PNLIP: variants seen among roughly 807,000 people sequenced by gnomAD.
PNLIP encodes pancreatic triacylglycerol lipase.
PNLIP carries 49 observed loss-of-function variants against 57.1 expected under a neutral mutation model. That is an observed-to-expected ratio of 0.86 (90% CI 0.68 to 1.09). The LOEUF (loss-of-function observed/expected upper bound fraction) is 1.09, where lower values mean the gene tolerates loss of function less well. Among genes scored for constraint, PNLIP ranks in the 50% least tolerant of loss-of-function variants. The probability of loss-of-function intolerance (pLI) is 0.00; values close to 1 mark genes in which losing one functional copy is unlikely to be tolerated. For missense variants in PNLIP, 503 were observed against 570.2 expected, an observed-to-expected ratio of 0.88 and a Z score of 1.20; for synonymous variants, 209 against 200.4, an observed-to-expected ratio of 1.04 and a Z score of -0.36.
chr10:116,565,411 G>A (rs1847356221), intron 12 of PNLIP, among the ~76,000 whole-genome samples: 1 of 150,578 alleles, frequency 6.6e-6, no homozygotes, highest in Admixed American at 6.6e-5. Context: ...TTACCCCACT[G>A]TATTTTTTAA....
At chr10:116,555,083 A>G (rs1847237849) in intron 6 of PNLIP, 95 bp from the exon 7 acceptor site, 4 of 1,390,978 alleles carry the variant, frequency 2.9e-6, no homozygotes, top group Non-Finnish European at 4.1e-6. Flanking sequence ...GTAAGGAAGA[A>G]CCCGTTCATC....
At chr10:116,548,337 G>A (rs1347480270) in intron 3 of PNLIP, 23 bp from the exon 4 acceptor site, 2 of 1,612,368 alleles carry the variant, frequency 1.2e-6, no homozygotes, top group Admixed American at 1.7e-5. Context: ...AAACTGACAT[G>A]AAACACTTTT....
At chr10:116,559,060 C>G in intron 9 of PNLIP, 94 bp from the exon 10 acceptor site, 1 of 1,479,840 alleles carries the variant, frequency 6.8e-7, no homozygotes, top group Non-Finnish European at 9.1e-7. Context: ...ACAGAACTGG[C>G]TTTAGAATAT....
intron 9 of PNLIP, among the ~76,000 whole-genome samples, chr10:116,557,064 C>T (rs1451914276): frequency 6.6e-6 from 1 of 152,114 alleles, no homozygotes; most frequent in East Asian, 1.9e-4. Flanking sequence ...TAATAGCATT[C>T]AATTAATGTT....
rs565771974 is a variant in PNLIP, at chr10:116,561,496, T to C, written c.1194T>C (p.Thr398=). Residue 398 remains threonine, a synonymous_variant, in exon 12 of 13, where the codon ACT becomes ACC. Coordinates refer to ENST00000369221, the MANE Select transcript of PNLIP (RefSeq NM_000936.4). ...GGGGCACTCTCAAACCAGATAGTAC[T>C]CATTCCAATGAATTTGACTCAGATG... ...IFKGTLKPDS[T]HSNEFDSDVD... 3 of 1,613,906 alleles carry C rather than the reference T, an allele frequency of 1.9e-6. No homozygotes were observed. Among genetic ancestry groups the C allele is most frequent in the Non-Finnish European group, 2.5e-6 (3 of 1,179,834 alleles).
rs1209270051 is a variant in PNLIP at position 116,547,394 on chromosome 10, AG to A, written c.148del (p.Asp50MetfsTer46). ...PLHILPWSPK[D>X]VNTRFLLYTN... ...TCCATATATTGCCTTGGTCTCCAAA[AG>A]ATGTCAACACCCGCTTCCTCCTATA... On this transcript the variant is annotated frameshift_variant, in exon 3 of 13. Transcript: ENST00000369221. LOFTEE classifies it high-confidence loss of function. The A allele has an allele frequency of 1.9e-6, 3 of 1,614,002 alleles. No individual in the cohort carries two copies. In the African/African-American group the frequency reaches 4.0e-5, roughly 22 times the overall value.
At chr10:116,560,941 T>C (rs1030469194) in intron 11 of PNLIP, among the ~76,000 whole-genome samples, 2 of 152,192 alleles carry the variant, frequency 1.3e-5, no homozygotes, top group African/African-American at 4.8e-5. Flanking sequence ...AGAGTTTGTC[T>C]ATTCATTACT....
At chr10:116,555,578 A>C in intron 8 of PNLIP, 71 bp downstream of exon 8, 1 of 1,509,388 alleles carries the variant, frequency 6.6e-7, no homozygotes, top group Non-Finnish European at 9.1e-7. Flanking sequence ...AAACTTGCTA[A>C]ATTCTTTGGA....
chr10:116,550,152 G>A (rs1210296918), intron 4 of PNLIP, among the ~76,000 whole-genome samples: 7 of 142,560 alleles, frequency 4.9e-5, no homozygotes, highest in East Asian at 2.1e-4. Context: ...TCCGCCTCCC[G>A]GGTTCACGCC....
At chr10:116,554,041 C>A (rs1400082157) in intron 6 of PNLIP, among the ~76,000 whole-genome samples, 1 of 152,030 alleles carries the variant, frequency 6.6e-6, no homozygotes, top group Non-Finnish European at 1.5e-5. Flanking sequence ...TTTGGTGCAA[C>A]CCTACGTTTT....
chr10:116,563,922 A>G (rs944243215), intron 12 of PNLIP, among the ~76,000 whole-genome samples: 2 of 152,302 alleles, frequency 1.3e-5, no homozygotes, highest in African/African-American at 4.8e-5. Context: ...GATCTGTGGG[A>G]CAATAATAAT....
At position 116,561,429 on chromosome 10, in the gene PNLIP, A is replaced by G. The variant is rs1044464224; in HGVS notation, c.1170-43A>G. On this transcript the variant is annotated intron_variant, in intron 11 of 12. Coordinates refer to ENST00000369221, the MANE Select transcript of PNLIP (RefSeq NM_000936.4). ...CACAAATATATATGTATATATTTAC[A>G]TGTATGCTCATGTATGTTTTTGTTA... 48 of 1,419,402 alleles carry G rather than the reference A, an allele frequency of 3.4e-5. No individual in the cohort carries two copies. The East Asian group carries it at 1.1e-3, about 32-fold the overall frequency. 87.9% of individuals were successfully genotyped at this position (1,419,402 alleles called of 1,614,324 possible).
At chr10:116,552,083 T>C (rs2133200655) in intron 5 of PNLIP, among the ~76,000 whole-genome samples, 1 of 152,316 alleles carries the variant, frequency 6.6e-6, no homozygotes, top group Non-Finnish European at 1.5e-5. Context: ...TTTGTGGTCA[T>C]GCTGGTATAA....
intron 12 of PNLIP, among the ~76,000 whole-genome samples, chr10:116,566,678 T>C (rs1450097562): frequency 1.3e-5 from 2 of 152,214 alleles, no homozygotes; most frequent in Non-Finnish European, 2.9e-5. Flanking sequence ...TGAATTTCTA[T>C]GCAGGAAGTT....
rs768877062 is a variant in PNLIP at position 116,555,363 on chromosome 10, C to A, written c.692-25C>A. ...CTGAGTCTATATACATTAGCATAAA[C>A]CCTCATGTATTTTTATGATTTCAGG... On this transcript the variant is annotated intron_variant, in intron 7 of 12. Coordinates refer to ENST00000369221, the MANE Select transcript of PNLIP (RefSeq NM_000936.4). 22 of 1,613,856 alleles carry A rather than the reference C, an allele frequency of 1.4e-5. No homozygotes were observed. The East Asian group carries it at 4.2e-4, about 31-fold the overall frequency.
At chr10:116,555,976 T>C in intron 8 of PNLIP, 24 bp from the exon 9 acceptor site, 1 of 1,335,068 alleles carries the variant, frequency 7.5e-7, no homozygotes, top group Non-Finnish European at 1.1e-6. Context: ...CTGTCCTTGA[T>C]GTGTAATTGT....
chr10:116,546,252 G>A, intron 2 of PNLIP, 114 bp downstream of exon 2: 2 of 882,004 alleles, frequency 2.3e-6, no homozygotes, highest in Non-Finnish European at 3.8e-6. Context: ...ACTTCAAGGA[G>A]TAAAGCACAG....
chr10:116,563,841 A>G (rs1847338492), intron 12 of PNLIP, among the ~76,000 whole-genome samples: 2 of 152,206 alleles, frequency 1.3e-5, no homozygotes. Flanking sequence ...CCTTGAATAC[A>G]TAATAGAAAC....
chr10:116,549,959 C>T (rs1045023642), intron 4 of PNLIP, among the ~76,000 whole-genome samples: 2 of 151,374 alleles, frequency 1.3e-5, no homozygotes, highest in Non-Finnish European at 2.9e-5. Context: ...TAGCTAACTA[C>T]GATTAGCAAA....
Sources: allele counts gnomAD v4.1 joint callset (sites outside exome capture counted in the v4.1 genomes callset), GRCh38; gene constraint gnomAD v4.1.1; transcripts MANE v1.5; gene names NCBI Gene and HGNC (gene_info 2026-07-23, HGNC 2026-07-21).